Variants in ZNF804A observed in about 807,000 individuals in gnomAD.
ZNF804A encodes zinc finger protein 804A.
A neutral mutation model predicts 16.5 loss-of-function variants in ZNF804A; 2 were observed. The observed-to-expected ratio is 0.12, with a 90% CI of 0.05 to 0.38. The LOEUF is 0.38. ZNF804A is among the 10% of genes least tolerant of loss of function. The probability of loss-of-function intolerance (pLI) is 0.99; values close to 1 mark genes in which losing one functional copy is unlikely to be tolerated. For missense variants in ZNF804A, 1,473 were observed against 1,390.7 expected (o/e 1.06, Z -0.94); for synonymous variants, 534 against 489.6 (o/e 1.09, Z -1.20).
chr2:184,794,797 A>G (rs866070819), intron 1 of ZNF804A, among the ~76,000 whole-genome samples: 1 of 152,098 alleles, frequency 6.6e-6, no homozygotes, highest in Non-Finnish European at 1.5e-5. Flanking sequence ...AACTTAAGGT[A>G]AAGGGGTGGA....
chr2:184,895,305 G>A (rs995531715), intron 2 of ZNF804A, among the ~76,000 whole-genome samples: 14 of 151,734 alleles, frequency 9.2e-5, no homozygotes, highest in Admixed American at 3.9e-4. Context: ...ATGTATTTTG[G>A]ACAGAGGACA....
intron 1 of ZNF804A, among the ~76,000 whole-genome samples, chr2:184,832,306 C>T (rs1695276468): frequency 6.6e-6 from 1 of 151,976 alleles, no homozygotes; most frequent in South Asian, 2.1e-4. Context: ...ACTTATATGA[C>T]TCCTTTAGGA....
At chr2:184,667,804 A>C (rs1455876685) in intron 1 of ZNF804A, among the ~76,000 whole-genome samples, 1 of 151,908 alleles carries the variant, frequency 6.6e-6, no homozygotes, top group African/African-American at 2.4e-5. Context: ...GAATTAAAAT[A>C]AATCTTTTTG....
intron 1 of ZNF804A, among the ~76,000 whole-genome samples, chr2:184,665,105 G>A (rs926357324): frequency 2.0e-5 from 3 of 152,118 alleles, no homozygotes; most frequent in Middle Eastern, 3.4e-3. Flanking sequence ...TTTACACAAA[G>A]ACAAACACAA....
intron 2 of ZNF804A, among the ~76,000 whole-genome samples, chr2:184,903,691 A>T (rs1328300851): frequency 6.6e-6 from 1 of 152,082 alleles, no homozygotes; most frequent in Non-Finnish European, 1.5e-5. Context: ...TAACTTTTTC[A>T]GATTTTCTTT....
intron 2 of ZNF804A, among the ~76,000 whole-genome samples, chr2:184,931,010 A>T (rs1232991672): frequency 6.6e-6 from 1 of 152,184 alleles, no homozygotes; most frequent in Non-Finnish European, 1.5e-5. Context: ...GTCATGTCTT[A>T]TGTGGTAGCA....
At chr2:184,690,758 A>C (rs1199675876) in intron 1 of ZNF804A, among the ~76,000 whole-genome samples, 1 of 152,062 alleles carries the variant, frequency 6.6e-6, no homozygotes, top group African/African-American at 2.4e-5. Context: ...GTGTTTTCTA[A>C]AACAGAGGGA....
chr2:184,878,496 A>G (rs774273655), intron 2 of ZNF804A, among the ~76,000 whole-genome samples: 1 of 152,066 alleles, frequency 6.6e-6, no homozygotes, highest in East Asian at 1.9e-4. Flanking sequence ...TTTGGTTGTC[A>G]AAAGGACTTA....
At chr2:184,757,771 G>T (rs1693981670) in intron 1 of ZNF804A, among the ~76,000 whole-genome samples, 1 of 151,914 alleles carries the variant, frequency 6.6e-6, no homozygotes, top group East Asian at 1.9e-4. Flanking sequence ...CTTGCCATGA[G>T]ATTCAAAGTG....
intron 1 of ZNF804A, among the ~76,000 whole-genome samples, chr2:184,706,561 T>TAATTAACCATAATTA (rs1693034328): frequency 1.3e-5 from 2 of 152,186 alleles, no homozygotes; most frequent in Non-Finnish European, 1.5e-5. Flanking sequence ...CTCAGATGAC[T>TAATTAACCATAATTA]GAGCCTCTGG....
At chr2:184,856,367 G>T (rs991126248) in intron 1 of ZNF804A, among the ~76,000 whole-genome samples, 1 of 151,704 alleles carries the variant, frequency 6.6e-6, no homozygotes, top group African/African-American at 2.4e-5. Context: ...AAAAAATGAT[G>T]TACAGTAATC....
At chr2:184,759,415 A>G (rs1053011174) in intron 1 of ZNF804A, among the ~76,000 whole-genome samples, 3 of 151,800 alleles carry the variant, frequency 2.0e-5, no homozygotes, top group Non-Finnish European at 4.4e-5. Context: ...TGACATTAGG[A>G]AAAACTTATG....
intron 1 of ZNF804A, among the ~76,000 whole-genome samples, chr2:184,845,612 C>G (rs548394668): frequency 6.6e-6 from 1 of 152,042 alleles, no homozygotes; most frequent in Non-Finnish European, 1.5e-5. Flanking sequence ...CTATGGAAAA[C>G]CTTTACCTCT....
intron 1 of ZNF804A, among the ~76,000 whole-genome samples, chr2:184,680,421 G>A (rs1450723093): frequency 6.6e-6 from 1 of 152,022 alleles, no homozygotes; most frequent in Non-Finnish European, 1.5e-5. Flanking sequence ...TTGCTGAACA[G>A]ATGGGATGAC....
At chr2:184,818,272 T>C (rs1293924922) in intron 1 of ZNF804A, among the ~76,000 whole-genome samples, 3 of 151,672 alleles carry the variant, frequency 2.0e-5, no homozygotes, top group African/African-American at 7.3e-5. Context: ...TTAAAGAAAA[T>C]AATTTGCAAC....
chr2:184,806,848 T>G (rs1694813758), intron 1 of ZNF804A, among the ~76,000 whole-genome samples: 1 of 151,830 alleles, frequency 6.6e-6, no homozygotes, highest in South Asian at 2.1e-4. Flanking sequence ...TTAATTTGTT[T>G]ATAAGATTAT....
intron 1 of ZNF804A, among the ~76,000 whole-genome samples, chr2:184,736,693 C>G (rs11693094): frequency 7.1e-6 from 1 of 141,344 alleles, no homozygotes; most frequent in African/African-American, 3.0e-5. Context: ...ACATGTATCC[C>G]GAACTTAAAT....
chr2:184,765,233 C>A (rs972079036), intron 1 of ZNF804A, among the ~76,000 whole-genome samples: 2 of 152,134 alleles, frequency 1.3e-5, no homozygotes, highest in African/African-American at 4.8e-5. Context: ...ATATTAGTGA[C>A]TGATTGGGCT....
chr2:184,662,832 C>T (rs1692196028), intron 1 of ZNF804A, among the ~76,000 whole-genome samples: 1 of 152,150 alleles, frequency 6.6e-6, no homozygotes, highest in African/African-American at 2.4e-5. Flanking sequence ...CTTGAGACTA[C>T]CCTTTATTTA....
Sources: gnomAD v4.1 joint callset for allele counts (sites outside exome capture counted in the v4.1 genomes callset) on GRCh38, gnomAD v4.1.1 for gene constraint, MANE v1.5 for transcripts, NCBI Gene and HGNC (gene_info 2026-07-23, HGNC 2026-07-21) for gene names.